GABRB3: variants seen among roughly 807,000 people sequenced by gnomAD.
The protein encoded by GABRB3 is gamma-aminobutyric acid receptor subunit beta-3.
In GABRB3, 14 loss-of-function variants were observed where a neutral mutation model predicts 52.1. The observed-to-expected ratio is 0.27, with a 90% CI of 0.18 to 0.42. The LOEUF (loss-of-function observed/expected upper bound fraction) is 0.42. Among genes scored for constraint, GABRB3 ranks in the 10% least tolerant of loss-of-function variants. The pLI is 1.00. For synonymous variants in GABRB3, 260 were observed against 232.3 expected (o/e 1.12, Z -1.08); for missense variants, 307 against 609.1 (o/e 0.50, Z 5.22).
At chr15:26,579,911 C>T (rs1890726151) in intron 6 of GABRB3, among the ~76,000 whole-genome samples, 2 of 152,156 alleles carry the variant, frequency 1.3e-5, no homozygotes, top group African/African-American at 4.8e-5. Flanking sequence ...GGCTGCTAAC[C>T]CCAGTGGAGC....
intron 3 of GABRB3, among the ~76,000 whole-genome samples, chr15:26,678,633 A>G (rs907905830): frequency 2.0e-5 from 3 of 152,168 alleles, no homozygotes; most frequent in African/African-American, 7.2e-5. Flanking sequence ...AGAGAAAGCC[A>G]GAGCAAGAGA....
intron 8 of GABRB3, 25 bp from the exon 9 acceptor site, chr15:26,548,159 G>C (rs1380977334): frequency 1.9e-6 from 3 of 1,569,096 alleles, no homozygotes; most frequent in Non-Finnish European, 2.6e-6. Context: ...AATGCACATG[G>C]TTAGACAGCC....
At chr15:26,663,939 G>T (rs1296095279) in intron 3 of GABRB3, among the ~76,000 whole-genome samples, 1 of 152,132 alleles carries the variant, frequency 6.6e-6, no homozygotes, top group African/African-American at 2.4e-5. Flanking sequence ...ATACATCAGA[G>T]CCTACTGGTA....
At chr15:26,583,220 C>T (rs1028788291) in intron 5 of GABRB3, 112 bp downstream of exon 5, 9 of 797,352 alleles carry the variant, frequency 1.1e-5, no homozygotes, top group Non-Finnish European at 1.7e-5. Flanking sequence ...TGTGTCTTCC[C>T]CTCTTTCTAT....
intron 8 of GABRB3, among the ~76,000 whole-genome samples, chr15:26,552,654 G>A (rs1344156298): frequency 6.6e-6 from 1 of 152,196 alleles, no homozygotes; most frequent in Non-Finnish European, 1.5e-5. Flanking sequence ...AGGAGGGCTT[G>A]ACTGGGCAGC....
Position 26,772,916 on chromosome 15 carries a change from G to C in GABRB3, c.47C>G (p.Pro16Arg). ...GGRLFGIFSA[P>R]VLVAVVCCAQ... ...GCAGCACACCACAGCCACCAGCACC[G>C]GGGCCGAGAAGATGCCGAAAAGCCT... is the stretch of plus-strand genomic sequence containing the variant. The change falls in exon 1 of 9, where the codon CCG (proline) becomes CGG (arginine). Residue 16 changes from proline to arginine, a missense_variant. By Grantham distance (103) the Pro-to-Arg change is moderately radical. Transcript: ENST00000311550. 1.3e-6 allele frequency: 2 copies of C among 1,495,888 alleles called. No individual in the cohort carries two copies. The highest frequency in any genetic ancestry group is 1.8e-6 in the Non-Finnish European group (2 of 1,121,444). 92.7% of individuals were successfully genotyped at this position (1,495,888 alleles called of 1,614,324 possible).
chr15:26,741,045 A>AGTGTGTGT (rs55860555), intron 3 of GABRB3, among the ~76,000 whole-genome samples: 7,424 of 55,150 alleles, frequency 0.13, 228 homozygotes, highest in Non-Finnish European at 0.2. Context: ...GGGAGGAATA[A>AGTGTGTGT]GTGTGTGTGT....
chr15:26,595,315 C>G (rs1231598119), intron 4 of GABRB3, among the ~76,000 whole-genome samples: 1 of 152,130 alleles, frequency 6.6e-6, no homozygotes, highest in Non-Finnish European at 1.5e-5. Context: ...CAATAATTTG[C>G]AAATAAGATC....
chr15:26,673,452 C>G (rs527283080), intron 3 of GABRB3, among the ~76,000 whole-genome samples: 50 of 152,350 alleles, frequency 3.3e-4, no homozygotes, highest in Non-Finnish European at 6.3e-4. Context: ...ATGTCAGCAG[C>G]TGTACCTGTT....
chr15:26,599,309 A>G (rs1446569419), intron 4 of GABRB3, among the ~76,000 whole-genome samples: 1 of 152,178 alleles, frequency 6.6e-6, no homozygotes, highest in Non-Finnish European at 1.5e-5. Context: ...CTCCAGCTTG[A>G]GCTGGGAGGT....
intron 6 of GABRB3, among the ~76,000 whole-genome samples, chr15:26,575,351 G>C (rs1890558266): frequency 6.6e-6 from 1 of 152,210 alleles, no homozygotes; most frequent in Non-Finnish European, 1.5e-5. Flanking sequence ...ATTAGGGATT[G>C]TAACCGGCTA....
Position 26,743,767 on chromosome 15 carries a change from C to T in GABRB3, c.240+28635G>A, listed in dbSNP as rs1321872493. On this transcript the variant is annotated intron_variant, in intron 3 of 8. Transcript: ENST00000311550. ...ATCACCTCTCTTTATGAACACTTAC[C>T]TTGCACCAGTTGCATTCCTACCAAG... Among the ~76,000 whole-genome samples the T allele has an allele frequency of 2.6e-5, 4 of 152,146 alleles. No individual in the cohort carries two copies. The East Asian group carries it at 7.7e-4, about 29-fold the overall frequency.
Position 26,742,947 on chromosome 15 carries a change from T to TTTTTTTTTTTG in GABRB3, c.240+29454_240+29455insCAAAAAAAAAA, listed in dbSNP as rs771203717. ...TTCTTTTTTTTTTTTTTTTTTTTTT[T>TTTTTTTTTTTG]GAGACAGAGTCTCGCTATGGCGCCC... On this transcript the variant is annotated intron_variant, in intron 3 of 8. Coordinates refer to ENST00000311550, the MANE Select transcript of GABRB3 (RefSeq NM_000814.6). 5.8e-5 allele frequency among the ~76,000 whole-genome samples: 6 copies of TTTTTTTTTTTG among 104,168 alleles called. 2 individuals carry two copies. The highest frequency in any genetic ancestry group is 7.7e-5 in the Non-Finnish European group (4 of 51,674). 68.3% of individuals were successfully genotyped at this position (104,168 alleles called of 152,430 possible).
rs1246083603 is a variant in GABRB3 at position 26,635,030 on chromosome 15, G to T, written c.241-13496C>A. Among the ~76,000 whole-genome samples, 6 of 87,928 alleles carry T rather than the reference G, an allele frequency of 6.8e-5. No homozygotes were observed. The East Asian group carries it at 1.0e-3, about 15-fold the overall frequency. 57.7% of individuals were successfully genotyped at this position (87,928 alleles called of 152,430 possible). ...TATATAATATATATATATTTAGAGA[G>T]GAAGAGAGAGAGACTTTATATGTTG... On this transcript the variant is annotated intron_variant, in intron 3 of 8. Transcript: ENST00000311550.
At chr15:26,750,432 A>T (rs537605263) in intron 3 of GABRB3, among the ~76,000 whole-genome samples, 13 of 152,298 alleles carry the variant, frequency 8.5e-5, no homozygotes, top group African/African-American at 3.1e-4. Context: ...AAACTGTATG[A>T]TATAATGGAA....
At chr15:26,578,831 TATC>T (rs1389861036) in intron 6 of GABRB3, among the ~76,000 whole-genome samples, 6 of 152,228 alleles carry the variant, frequency 3.9e-5, no homozygotes, top group Non-Finnish European at 5.9e-5. Flanking sequence ...AGAAGTAACA[TATC>T]ATTTTTTTCA....
intron 8 of GABRB3, among the ~76,000 whole-genome samples, 173 bp downstream of exon 8, chr15:26,560,759 C>T (rs1240180011): frequency 1.3e-5 from 2 of 152,066 alleles, no homozygotes; most frequent in African/African-American, 2.4e-5. Flanking sequence ...TTTGAGCAAC[C>T]CCTGAATAAA....
intron 3 of GABRB3, among the ~76,000 whole-genome samples, chr15:26,684,586 C>T (rs947071219): frequency 5.9e-5 from 9 of 152,154 alleles, no homozygotes; most frequent in Non-Finnish European, 1.3e-4. Flanking sequence ...TTCTGATTTA[C>T]ACTGAGGGAC....
intron 3 of GABRB3, among the ~76,000 whole-genome samples, chr15:26,672,594 G>C (rs554616740): frequency 6.6e-6 from 1 of 152,204 alleles, no homozygotes; most frequent in African/African-American, 2.4e-5. Flanking sequence ...TCACCTGTCC[G>C]ATGTTGCTTT....
Sources: allele counts gnomAD v4.1 joint callset (sites outside exome capture counted in the v4.1 genomes callset), GRCh38; gene constraint gnomAD v4.1.1; transcripts MANE v1.5; gene names NCBI Gene and HGNC (gene_info 2026-07-23, HGNC 2026-07-21).